Variants in TBC1D9B observed in about 807,000 individuals in gnomAD.
The protein encoded by TBC1D9B is TBC1 domain family member 9B, also known as TBC1 domain family, member 9B (with GRAM domain).
In TBC1D9B, 87 loss-of-function variants were observed where a neutral mutation model predicts 121.1. The observed-to-expected ratio is 0.72, with a 90% confidence interval of 0.60 to 0.86. The LOEUF is 0.86. Ranked by LOEUF, TBC1D9B falls within the 40% of genes least tolerant of loss-of-function variation. The pLI, the probability that TBC1D9B is intolerant of heterozygous loss-of-function variation, is 0.00. For missense variants in TBC1D9B, 1,540 were observed against 1,628.6 expected (o/e 0.95, Z 0.94); for synonymous variants, 668 against 670.1 (o/e 1.00, Z 0.05).
In TBC1D9B at chr5:179,901,621, T is replaced by C. The variant is rs537567029; in HGVS notation, c.230-2314A>G. On this transcript the variant is annotated intron_variant, in intron 2 of 20. Coordinates refer to ENST00000355235, the MANE Select transcript of TBC1D9B (RefSeq NM_015043.4). ...GCAACATGGCTGTCTCTACAAAAAA[T>C]AGAAAAAATGAGGCATGGTTGCGTG... Among the ~76,000 whole-genome samples the C allele has an allele frequency of 1.1e-4, 17 of 152,002 alleles. No homozygotes were observed. In the East Asian group the frequency reaches 1.2e-3, roughly 10 times the overall value.
In TBC1D9B at chr5:179,907,824, C is replaced by A. The variant is rs1221172841; in HGVS notation, c.-3G>T. ...ACCTCCTCCGGGCTCAGCCACATCGCGGAGCCGCTCGCACCGGGCCGAGGC... is the reference window on the plus strand; with the variant it reads ...ACCTCCTCCGGGCTCAGCCACATCGAGGAGCCGCTCGCACCGGGCCGAGGC... On this transcript the variant is annotated 5_prime_UTR_variant, in exon 1 of 21. Coordinates refer to ENST00000355235, the MANE Select transcript of TBC1D9B (RefSeq NM_015043.4). The surrounding 1 kb of genome is among the most constrained non-coding windows in gnomAD (Gnocchi z 5.3). 1 of 1,155,846 alleles carries A rather than the reference C, an allele frequency of 8.7e-7. No individual in the cohort carries two copies. The highest frequency in any genetic ancestry group is 1.1e-6 in the Non-Finnish European group (1 of 917,796). 71.6% of individuals were successfully genotyped at this position (1,155,846 alleles called of 1,614,324 possible). A position where few individuals can be genotyped will look rare whatever the true frequency, so the allele number is the denominator to read the frequency against.
chr5:179,907,881 G>T lies in TBC1D9B; in HGVS notation c.-60C>A. 1 of 955,424 alleles carries T rather than the reference G, an allele frequency of 1.0e-6. No homozygotes were observed. Among genetic ancestry groups the T allele is most frequent in the Non-Finnish European group, 1.3e-6 (1 of 797,134 alleles). 59.2% of individuals were successfully genotyped at this position (955,424 alleles called of 1,614,324 possible). A position where few individuals can be genotyped will look rare whatever the true frequency, so the allele number is the denominator to read the frequency against. On this transcript the variant is annotated 5_prime_UTR_variant, in exon 1 of 21. Transcript: ENST00000355235. This position sits in a 1 kb window ranked among gnomAD's most constrained non-coding sequence, Gnocchi z 5.3. The stretch of plus-strand genomic sequence containing the variant: ...GACGGAAGCGCCCGCCGCCGTCGGC[G>T]TCCCGGAGCGGAGCGTGCGGAGCGG...
intron 6 of TBC1D9B, among the ~76,000 whole-genome samples, chr5:179,888,628 A>C (rs985283881): frequency 2.0e-5 from 3 of 152,186 alleles, no homozygotes; most frequent in Non-Finnish European, 2.9e-5. Context: ...AAGCAGGGCA[A>C]GCAGTCCCTT....
chr5:179,880,946 GACAC>G (rs913326842), intron 7 of TBC1D9B, among the ~76,000 whole-genome samples: 3 of 152,168 alleles, frequency 2.0e-5, no homozygotes, highest in African/African-American at 7.2e-5. Flanking sequence ...GACCGACTAG[GACAC>G]ACACGGGCTC....
At chr5:179,888,457 G>A (rs1419753612) in intron 6 of TBC1D9B, 145 bp from the exon 7 acceptor site, 1 of 866,296 alleles carries the variant, frequency 1.2e-6, no homozygotes, top group Non-Finnish European at 1.8e-6. Context: ...TTCTGACTCT[G>A]CCACCCGCTG....
chr5:179,879,929 T>C (rs1760488153), intron 7 of TBC1D9B, 140 bp from the exon 8 acceptor site: 1 of 1,061,888 alleles, frequency 9.4e-7, no homozygotes, highest in Non-Finnish European at 1.3e-6. Context: ...GAAGAGCCTG[T>C]CTGGCTGGGC....
At chr5:179,905,353 T>A (rs1398507531) in intron 1 of TBC1D9B, among the ~76,000 whole-genome samples, 2 of 152,224 alleles carry the variant, frequency 1.3e-5, no homozygotes, top group Non-Finnish European at 1.5e-5. Flanking sequence ...TTATTTTCCA[T>A]ATCAAGAACA....
At chr5:179,887,735 G>C (rs1381122492) in intron 7 of TBC1D9B, 11 of 293,014 alleles carry the variant, frequency 3.8e-5, no homozygotes, top group Non-Finnish European at 5.1e-5. Flanking sequence ...CTACCGTCAA[G>C]AACTTCAGCC....
At chr5:179,897,158 C>T (rs372099823) in intron 3 of TBC1D9B, among the ~76,000 whole-genome samples, 8 of 152,176 alleles carry the variant, frequency 5.3e-5, no homozygotes, top group African/African-American at 9.6e-5. Context: ...CCGCCCGCCT[C>T]GGCCTCCAAA....
chr5:179,904,655 TCCAGGGCAGGCCCTG>T lies in TBC1D9B; in HGVS notation c.229+32_229+46del. 1 of 1,514,000 alleles carries T rather than the reference TCCAGGGCAGGCCCTG, an allele frequency of 6.6e-7. No individual in the cohort carries two copies. The allele number at this position is 1,514,000 out of a possible 1,614,324, so 93.8% of individuals were successfully genotyped here. On this transcript the variant is annotated intron_variant, in intron 2 of 20. Coordinates refer to ENST00000355235, the MANE Select transcript of TBC1D9B (RefSeq NM_015043.4). This position sits in a 1 kb window ranked among gnomAD's most constrained non-coding sequence, Gnocchi z 4.2. ...ACCCCTTCCTCTCGGCAACGGCCCTTCCAGGGCAGGCCCTGCCCAGCACCCCTCACCACTCAGGGC... is the reference window on the plus strand; with the variant it reads ...ACCCCTTCCTCTCGGCAACGGCCCTTCCCAGCACCCCTCACCACTCAGGGC...
chr5:179,882,896 T>C (rs918457217), intron 7 of TBC1D9B, among the ~76,000 whole-genome samples: 6 of 152,222 alleles, frequency 3.9e-5, no homozygotes, highest in African/African-American at 1.4e-4. Flanking sequence ...GATACCTCTC[T>C]TGAGGAGGAA....
chr5:179,896,403 C>G (rs780355173), intron 3 of TBC1D9B, among the ~76,000 whole-genome samples: 1 of 152,252 alleles, frequency 6.6e-6, no homozygotes, highest in South Asian at 2.1e-4. Flanking sequence ...GCTGGGATTA[C>G]AGGTGTGAGC....
chr5:179,888,250 G>T lies in TBC1D9B; in HGVS notation c.1107C>A (p.Thr369=). The T allele has an allele frequency of 3.1e-6, 5 of 1,611,708 alleles. No homozygotes were observed. The highest frequency in any genetic ancestry group is 4.2e-6 in the Non-Finnish European group (5 of 1,179,294). The change falls in exon 7 of 21, where the codon ACC becomes ACA. Residue 369 remains threonine (T), a synonymous_variant. Coordinates refer to ENST00000355235, the MANE Select transcript of TBC1D9B (RefSeq NM_015043.4). ...CAAACAGGAATGTCATTTTGCTTTT[G>T]GTGCTGATGGACAGGGGGCTGGGCA... ...SVLPSPLSIS[T]KSKMTFLFAN...
At position 179,887,752 on chromosome 5, in the gene TBC1D9B, C is replaced by G. The variant is rs190125592; in HGVS notation, c.1254+351G>C. The G allele has an allele frequency of 3.0e-4, 93 of 314,374 alleles. 2 individuals carry two copies. Among genetic ancestry groups the G allele is most frequent in the African/African-American group, 1.8e-3 (81 of 45,104 alleles). The allele number at this position is 314,374 out of a possible 1,614,324, so 19.5% of individuals were successfully genotyped here. On this transcript the variant is annotated intron_variant, in intron 7 of 20. Coordinates refer to ENST00000355235, the MANE Select transcript of TBC1D9B (RefSeq NM_015043.4). ...ACCGTCAAGAACTTCAGCCTGAACGCCTGGCAGGGAAGGTCATGGGAACAA... is the reference window on the plus strand; with the variant it reads ...ACCGTCAAGAACTTCAGCCTGAACGGCTGGCAGGGAAGGTCATGGGAACAA...
At position 179,863,666 on chromosome 5, in the gene TBC1D9B, C is replaced by T. The variant is rs139354975; in HGVS notation, c.3484G>A (p.Gly1162Arg). The change falls in exon 21 of 21, where the codon GGG (glycine) becomes AGG (arginine). Residue 1162 changes from glycine to arginine, a missense_variant. Transcript: ENST00000355235. This position sits in a 1 kb window ranked among gnomAD's most constrained non-coding sequence, Gnocchi z 4.5. The part of the protein sequence containing the change: ...DLADDTVLVG[G>R]EACSPTARIG... The stretch of plus-strand genomic sequence containing the variant: ...CGCGCTGTGGGGCTGCAGGCCTCCC[C>T]GCCCACCAGCACCGTGTCGTCTGCA... The T allele has an allele frequency of 7.3e-5, 118 of 1,613,612 alleles. No individual in the cohort carries two copies. In the Admixed American group the frequency reaches 7.5e-4, roughly 10 times the overall value.
At chr5:179,867,266 C>A in intron 18 of TBC1D9B, 1 of 678,910 alleles carries the variant, frequency 1.5e-6, no homozygotes, top group South Asian at 2.3e-5. Context: ...TACCGCCCAC[C>A]TACAGCAGAC....
At chr5:179,906,657 A>G (rs987883247) in intron 1 of TBC1D9B, among the ~76,000 whole-genome samples, 12 of 152,198 alleles carry the variant, frequency 7.9e-5, no homozygotes, top group Non-Finnish European at 2.9e-5. Context: ...AGATCCTTGA[A>G]GCCCACTGGG....
intron 18 of TBC1D9B, chr5:179,867,466 A>G: frequency 6.4e-7 from 1 of 1,559,008 alleles, no homozygotes; most frequent in Non-Finnish European, 8.7e-7. Context: ...CAGGGCAGGA[A>G]AAGATCCAGA....
intron 1 of TBC1D9B, among the ~76,000 whole-genome samples, chr5:179,906,081 T>C (rs1761303936): frequency 6.6e-6 from 1 of 152,206 alleles, no homozygotes; most frequent in South Asian, 2.1e-4. Context: ...GGTTTTGCCA[T>C]GTTGGCCAAG....
Sources: gnomAD v4.1 joint callset for allele counts (sites outside exome capture counted in the v4.1 genomes callset) on GRCh38, gnomAD v4.1.1 for gene constraint, Gnocchi (gnomAD v3.1) non-coding constraint, MANE v1.5 for transcripts, NCBI Gene and HGNC (gene_info 2026-07-23, HGNC 2026-07-21) for gene names.